The following LPP variants were observed in gnomAD, a reference collection of about 807,000 sequenced individuals.
LPP encodes the protein lipoma-preferred partner.
LPP carries 38 observed loss-of-function variants against 60.4 expected under a neutral mutation model. That is an observed-to-expected ratio of 0.63 (90% CI 0.49 to 0.83). LPP has a LOEUF of 0.83. Among genes scored for constraint, LPP ranks in the 40% least tolerant of loss-of-function variants. LPP has a pLI of 0.00. For synonymous variants in LPP, 328 were observed against 290.8 expected (o/e 1.13, Z -1.30); for missense variants, 902 against 783.6 (o/e 1.15, Z -1.80).
intron 8 of LPP, among the ~76,000 whole-genome samples, chr3:188,717,743 AAAT>A (rs1374140507): frequency 6.6e-6 from 1 of 152,226 alleles, no homozygotes; most frequent in Non-Finnish European, 1.5e-5. Flanking sequence ...AGCACTAAAT[AAAT>A]AATAATTCTG....
At chr3:188,392,344 G>A (rs561833937) in intron 3 of LPP, among the ~76,000 whole-genome samples, 2 of 152,250 alleles carry the variant, frequency 1.3e-5, no homozygotes, top group South Asian at 4.1e-4. Context: ...ACTACATGGA[G>A]ACATGCGATA....
intron 2 of LPP, among the ~76,000 whole-genome samples, chr3:188,308,945 T>TTTTC (rs1560228376): frequency 9.3e-5 from 14 of 150,986 alleles, no homozygotes; most frequent in African/African-American, 3.4e-4. Context: ...CTCCTCCTCC[T>TTTTC]CCTTCTCCCT....
intron 7 of LPP, among the ~76,000 whole-genome samples, chr3:188,682,014 A>T (rs1859642357): frequency 6.6e-6 from 1 of 152,224 alleles, no homozygotes; most frequent in Admixed American, 6.5e-5. Flanking sequence ...AGAAGAATGA[A>T]TGACAATATT....
At chr3:188,457,613 C>A (rs1798007300) in intron 4 of LPP, among the ~76,000 whole-genome samples, 1 of 151,760 alleles carries the variant, frequency 6.6e-6, no homozygotes, top group East Asian at 1.9e-4. Context: ...AGAGTTAAGG[C>A]CAGGTGCGGT....
intron 3 of LPP, among the ~76,000 whole-genome samples, chr3:188,341,923 C>A (rs557579120): frequency 2.8e-3 from 426 of 152,070 alleles, no homozygotes; most frequent in Non-Finnish European, 4.7e-3. Flanking sequence ...TAATTCATAG[C>A]CCTTAAGGTT....
rs769761285 is a variant in LPP at position 188,406,281 on chromosome 3, A to G, written c.161A>G (p.Lys54Arg). 2 of 1,614,152 alleles carry G rather than the reference A, an allele frequency of 1.2e-6. No homozygotes were observed. The highest frequency in any genetic ancestry group is 3.3e-5 in the Admixed American group (2 of 60,020). Residue 54 changes from lysine (K) to arginine (R), a missense_variant, in exon 4 of 12, where the codon AAG (lysine) becomes AGG (arginine). Lys to Arg is a conservative substitution (Grantham distance 26). Transcript: ENST00000617246. ...KFAPVVAPKP[K>R]YNPYKQPGGE... is the part of the protein sequence containing the mutation. ...GCCCCGGTAGTTGCTCCAAAACCTA[A>G]GTACAACCCATACAAACAACCTGGA... is the stretch of plus-strand genomic sequence containing the variant.
At chr3:188,355,849 CT>C (rs1358772618) in intron 3 of LPP, among the ~76,000 whole-genome samples, 2 of 152,124 alleles carry the variant, frequency 1.3e-5, no homozygotes, top group African/African-American at 2.4e-5. Context: ...GCTCCTCACA[CT>C]TTTTTCATGA....
chr3:188,465,520 A>T (rs1376324342), intron 4 of LPP, among the ~76,000 whole-genome samples: 1 of 152,190 alleles, frequency 6.6e-6, no homozygotes, highest in Non-Finnish European at 1.5e-5. Context: ...AAAAGCCTTC[A>T]TTCCAAAGAA....
intron 2 of LPP, among the ~76,000 whole-genome samples, chr3:188,294,719 G>T (rs1012817709): frequency 6.6e-6 from 1 of 152,224 alleles, no homozygotes; most frequent in Non-Finnish European, 1.5e-5. Context: ...CAGCACAAGA[G>T]AAATGTGTGA....
intron 2 of LPP, among the ~76,000 whole-genome samples, chr3:188,235,167 A>G (rs1324368672): frequency 6.6e-6 from 1 of 152,214 alleles, no homozygotes; most frequent in East Asian, 1.9e-4. Flanking sequence ...AGGAGAGAGC[A>G]GAGCAGGTGG....
chr3:188,748,660 G>A (rs1238617737), intron 8 of LPP, among the ~76,000 whole-genome samples: 4 of 152,136 alleles, frequency 2.6e-5, no homozygotes, highest in African/African-American at 9.7e-5. Flanking sequence ...ACGTGCGCCT[G>A]TAATCCCAGC....
At position 188,610,332 on chromosome 3, in the gene LPP, T is replaced by C. The variant is rs1054354811; in HGVS notation, c.1113+488T>C. Among the ~76,000 whole-genome samples, 1 of 152,282 alleles carries C rather than the reference T, an allele frequency of 6.6e-6. No homozygotes were observed. Among genetic ancestry groups the C allele is most frequent in the Middle Eastern group, 3.4e-3 (1 of 294 alleles). ...GTGAACTGCTGTCAGGCTGTGGCCC[T>C]GTGAAGGCGATTATAACTCCCGCAA... On this transcript the variant is annotated intron_variant, in intron 7 of 11. Coordinates refer to ENST00000617246, the MANE Select transcript of LPP (RefSeq NM_001375462.1). The surrounding 1 kb of genome is among the most constrained non-coding windows in gnomAD (Gnocchi z 4.4).
chr3:188,457,095 A>G (rs1380687891), intron 4 of LPP, among the ~76,000 whole-genome samples: 3 of 152,214 alleles, frequency 2.0e-5, no homozygotes, highest in Admixed American at 1.3e-4. Context: ...TAGAATATAC[A>G]TGGGTGATAG....
intron 2 of LPP, among the ~76,000 whole-genome samples, chr3:188,307,329 T>C (rs1751854664): frequency 6.6e-6 from 1 of 152,174 alleles, no homozygotes; most frequent in Non-Finnish European, 1.5e-5. Flanking sequence ...GGCGTGCCCT[T>C]AAAAACAGTG....
chr3:188,837,250 G>A (rs2151678030), intron 9 of LPP, among the ~76,000 whole-genome samples: 1 of 151,944 alleles, frequency 6.6e-6, no homozygotes, highest in Non-Finnish European at 1.5e-5. Flanking sequence ...GTGGTGGCTG[G>A]CGCCTGTGGT....
At chr3:188,168,285 A>G (rs1054739584) in intron 1 of LPP, among the ~76,000 whole-genome samples, 2 of 152,242 alleles carry the variant, frequency 1.3e-5, no homozygotes, top group Admixed American at 6.5e-5. Context: ...AGGGCCGTAC[A>G]GCTTGTTCAG....
chr3:188,393,553 C>A (rs186815214), intron 3 of LPP, among the ~76,000 whole-genome samples: 9 of 152,218 alleles, frequency 5.9e-5, no homozygotes, highest in Non-Finnish European at 1.2e-4. Flanking sequence ...GAGTTATCGT[C>A]AAAACTGGGA....
At chr3:188,579,913 G>A (rs946924733) in intron 6 of LPP, among the ~76,000 whole-genome samples, 1 of 151,854 alleles carries the variant, frequency 6.6e-6, no homozygotes, top group Non-Finnish European at 1.5e-5. Flanking sequence ...AGGCTTGCTT[G>A]AGCCCAGGAG....
chr3:188,243,130 G>A (rs1725574458), intron 2 of LPP, among the ~76,000 whole-genome samples: 1 of 152,054 alleles, frequency 6.6e-6, no homozygotes, highest in Non-Finnish European at 1.5e-5. Flanking sequence ...AAAAAAGACA[G>A]AAAAATACTA....
Sources: gnomAD v4.1 joint callset for allele counts (sites outside exome capture counted in the v4.1 genomes callset) on GRCh38, gnomAD v4.1.1 for gene constraint, Gnocchi (gnomAD v3.1) non-coding constraint, MANE v1.5 for transcripts, NCBI Gene and HGNC (gene_info 2026-07-23, HGNC 2026-07-21) for gene names.